Variants in TCEA1 observed in about 807,000 individuals in gnomAD.
TCEA1 encodes transcription elongation factor A1.
TCEA1 carries 21 observed loss-of-function variants against 43.8 expected under a neutral mutation model. That is an observed-to-expected ratio of 0.48 (90% CI 0.34 to 0.69). The LOEUF (loss-of-function observed/expected upper bound fraction) is 0.69, where lower values mean the gene tolerates loss of function less well. Ranked by LOEUF, TCEA1 falls within the 30% of genes least tolerant of loss-of-function variation. TCEA1 has a pLI of 0.01. For missense variants in TCEA1, 250 were observed against 365.1 expected, an observed-to-expected ratio of 0.68 and a Z score of 2.57; for synonymous variants, 104 against 117.5, an observed-to-expected ratio of 0.88 and a Z score of 0.75.
At chr8:53,985,846 T>C (rs1471418748) in intron 6 of TCEA1, among the ~76,000 whole-genome samples, 1 of 152,246 alleles carries the variant, frequency 6.6e-6, no homozygotes, top group South Asian at 2.1e-4. Flanking sequence ...CACATTTATA[T>C]GTGTGTGCTT....
At chr8:53,978,312 G>C (rs149248241) in intron 8 of TCEA1, among the ~76,000 whole-genome samples, 3 of 152,118 alleles carry the variant, frequency 2.0e-5, no homozygotes, top group East Asian at 3.9e-4. Context: ...TCTTGAACTA[G>C]TCCCCAGTTA....
At position 54,022,333 on chromosome 8, in the gene TCEA1, C is replaced by G; in HGVS notation, c.-208G>C. Reference sequence around the variant, plus strand: ...CTCCTCCTCCCCAGGCAGCGACAATCGAACACCGCGCGCGACGTGCAGGCG... The same window carrying G: ...CTCCTCCTCCCCAGGCAGCGACAATGGAACACCGCGCGCGACGTGCAGGCG... On this transcript the variant is annotated 5_prime_UTR_variant, in exon 1 of 10. Coordinates refer to ENST00000521604, the MANE Select transcript of TCEA1 (RefSeq NM_006756.4). 1 of 609,802 alleles carries G rather than the reference C, an allele frequency of 1.6e-6. No homozygotes were observed. The highest frequency in any genetic ancestry group is 2.8e-6 in the Non-Finnish European group (1 of 351,712). 37.8% of individuals were successfully genotyped at this position (609,802 alleles called of 1,614,324 possible).
At chr8:53,987,059 G>GT (rs764687914) in intron 5 of TCEA1, 34 bp from the exon 6 acceptor site, 4 of 1,538,230 alleles carry the variant, frequency 2.6e-6, no homozygotes, top group South Asian at 2.5e-5. Flanking sequence ...TCAAATTATT[G>GT]TAACAGATTA....
chr8:53,989,576 A>C (rs918474155), intron 4 of TCEA1, among the ~76,000 whole-genome samples: 1 of 152,146 alleles, frequency 6.6e-6, no homozygotes, highest in Non-Finnish European at 1.5e-5. Context: ...TATTCCCAAA[A>C]TATTGATTCA....
chr8:54,021,930 G>T, intron 1 of TCEA1, 133 bp downstream of exon 1: 1 of 856,340 alleles, frequency 1.2e-6, no homozygotes, highest in Non-Finnish European at 1.6e-6. Context: ...CCCCGGGGAC[G>T]CGGGCGCGGC....
intron 3 of TCEA1, among the ~76,000 whole-genome samples, chr8:53,998,502 G>A (rs1804140318): frequency 6.6e-6 from 1 of 152,092 alleles, no homozygotes; most frequent in Non-Finnish European, 1.5e-5. Flanking sequence ...GGAAGGGACA[G>A]GATATATACA....
At chr8:54,011,546 T>C (rs1804652217) in intron 1 of TCEA1, among the ~76,000 whole-genome samples, 1 of 152,228 alleles carries the variant, frequency 6.6e-6, no homozygotes, top group South Asian at 2.1e-4. Flanking sequence ...ACAATGGCCA[T>C]CTGGCCAATG....
At position 54,016,084 on chromosome 8, in the gene TCEA1, T is replaced by C. The variant is rs549946037; in HGVS notation, c.64-5592A>G. ...CACTGCTAGTTGGAATGTAAAATGG[T>C]GCAGCCACACTGGAAAGGTCTGGCA... On this transcript the variant is annotated intron_variant, in intron 1 of 9. Coordinates refer to ENST00000521604, the MANE Select transcript of TCEA1 (RefSeq NM_006756.4). Among the ~76,000 whole-genome samples the C allele has an allele frequency of 4.6e-5, 7 of 152,304 alleles. 1 individual carries two copies. Among genetic ancestry groups the C allele is most frequent in the Admixed American group, 4.6e-4 (7 of 15,298 alleles).
intron 8 of TCEA1, among the ~76,000 whole-genome samples, chr8:53,977,143 C>T (rs1307898775): frequency 6.6e-6 from 1 of 152,228 alleles, no homozygotes; most frequent in East Asian, 1.9e-4. Context: ...CACAGTGAAA[C>T]CCCGTCTCTA....
At position 53,993,660 on chromosome 8, in the gene TCEA1, T is replaced by C; in HGVS notation, c.320+8A>G. 1.9e-6 allele frequency: 3 copies of C among 1,606,572 alleles called. No homozygotes were observed. Among genetic ancestry groups the C allele is most frequent in the Non-Finnish European group, 2.6e-6 (3 of 1,175,002 alleles). Reference sequence around the variant, plus strand: ...TCAATATAAATATATGTCTATACTGTGAAGTACCTTTCTTCTCTTGCCTCA... The same window carrying C: ...TCAATATAAATATATGTCTATACTGCGAAGTACCTTTCTTCTCTTGCCTCA... On this transcript the variant is annotated splice_region_variant and intron_variant, in intron 4 of 9. Transcript: ENST00000521604.
intron 1 of TCEA1, among the ~76,000 whole-genome samples, chr8:54,018,554 A>T (rs1199429230): frequency 6.6e-6 from 1 of 152,232 alleles, no homozygotes; most frequent in African/African-American, 2.4e-5. Flanking sequence ...AAGTTCAGAA[A>T]AGTTCAGAAA....
intron 2 of TCEA1, among the ~76,000 whole-genome samples, chr8:54,007,480 C>T (rs1804509697): frequency 6.6e-6 from 1 of 152,082 alleles, no homozygotes; most frequent in Non-Finnish European, 1.5e-5. Context: ...TGTGCCAAGC[C>T]CTTCCTTATT....
chr8:54,018,929 A>G (rs1804931507), intron 1 of TCEA1, among the ~76,000 whole-genome samples: 1 of 152,230 alleles, frequency 6.6e-6, no homozygotes, highest in South Asian at 2.1e-4. Flanking sequence ...CTAGCTTTGG[A>G]GCAAAACAGA....
chr8:54,010,133 G>C, intron 2 of TCEA1: 1 of 303,752 alleles, frequency 3.3e-6, no homozygotes, highest in South Asian at 3.9e-5. Context: ...GATCAAGAAA[G>C]GGAAATCTTA....
At chr8:53,991,602 G>A (rs754000876) in intron 4 of TCEA1, among the ~76,000 whole-genome samples, 12 of 151,894 alleles carry the variant, frequency 7.9e-5, no homozygotes, top group Non-Finnish European at 1.6e-4. Context: ...GCTGAGGCAG[G>A]AGAATCCCTT....
intron 1 of TCEA1, among the ~76,000 whole-genome samples, chr8:54,014,342 G>A (rs1458438103): frequency 6.6e-6 from 1 of 152,076 alleles, no homozygotes; most frequent in African/African-American, 2.4e-5. Context: ...AGGCACAATG[G>A]CTCAGCCTGT....
At chr8:53,988,753 T>C (rs138792631) in intron 4 of TCEA1, among the ~76,000 whole-genome samples, 5 of 151,804 alleles carry the variant, frequency 3.3e-5, no homozygotes, top group African/African-American at 1.2e-4. Context: ...AAACTAGAGA[T>C]AGAGAGAGAG....
chr8:53,996,606 T>C (rs1003146497), intron 3 of TCEA1, among the ~76,000 whole-genome samples: 5 of 152,042 alleles, frequency 3.3e-5, no homozygotes, highest in Non-Finnish European at 7.4e-5. Context: ...ACAACCACCA[T>C]AAAGTTAAAA....
intron 3 of TCEA1, 177 bp downstream of exon 3, chr8:53,999,768 C>G (rs1272004702): frequency 2.0e-5 from 10 of 501,782 alleles, no homozygotes; most frequent in Non-Finnish European, 2.8e-5. Context: ...GCCTAAAAGG[C>G]AAAAAAACCC....
Sources: gnomAD v4.1 joint callset for allele counts (sites outside exome capture counted in the v4.1 genomes callset) on GRCh38, gnomAD v4.1.1 for gene constraint, MANE v1.5 for transcripts, NCBI Gene and HGNC (gene_info 2026-07-23, HGNC 2026-07-21) for gene names.